The following ZNF827 variants were observed in gnomAD, a reference collection of about 807,000 sequenced individuals.
The protein encoded by ZNF827 is zinc finger protein 827.
In ZNF827, 13 loss-of-function variants were observed where a neutral mutation model predicts 102.4. The observed-to-expected ratio is 0.13, with a 90% CI of 0.08 to 0.20. The LOEUF is 0.20. Among genes scored for constraint, ZNF827 ranks in the 10% least tolerant of loss-of-function variants. ZNF827 has a pLI of 1.00. For synonymous variants in ZNF827, 523 were observed against 536.2 expected, an observed-to-expected ratio of 0.98 and a Z score of 0.34; for missense variants, 1,103 against 1,344.4, an observed-to-expected ratio of 0.82 and a Z score of 2.81.
chr4:145,795,658 G>A (rs1205994090), intron 8 of ZNF827, among the ~76,000 whole-genome samples: 2 of 152,210 alleles, frequency 1.3e-5, no homozygotes, highest in African/African-American at 2.4e-5. Flanking sequence ...TAGGCAACAC[G>A]ATAATGAGAA....
chr4:145,805,241 C>T (rs186653497), intron 8 of ZNF827, among the ~76,000 whole-genome samples: 5 of 151,986 alleles, frequency 3.3e-5, no homozygotes, highest in Non-Finnish European at 7.4e-5. Context: ...GGATTTGTCT[C>T]TAAAAAAGAA....
chr4:145,914,062 GACAC>G (rs34866639), intron 1 of ZNF827, among the ~76,000 whole-genome samples: 268 of 148,194 alleles, frequency 1.8e-3, no homozygotes, highest in African/African-American at 4.0e-3. Flanking sequence ...TTTCTTTGTA[GACAC>G]ACACACACAC....
chr4:145,859,919 T>G (rs1241906057), intron 5 of ZNF827, among the ~76,000 whole-genome samples: 2 of 152,282 alleles, frequency 1.3e-5, no homozygotes, highest in African/African-American at 4.8e-5. Context: ...TTAAACAGTA[T>G]GATAGGATAA....
intron 4 of ZNF827, among the ~76,000 whole-genome samples, chr4:145,878,602 C>CAGGACAGGACAGGAAAGGAA (rs1749371294): frequency 3.1e-5 from 2 of 63,526 alleles, no homozygotes; most frequent in East Asian, 6.0e-4. Context: ...CAGGACAGGA[C>CAGGACAGGACAGGAAAGGAA]AGGAAAGGAA....
chr4:145,847,140 T>G (rs1189503677), intron 6 of ZNF827, among the ~76,000 whole-genome samples: 1 of 150,074 alleles, frequency 6.7e-6, no homozygotes, highest in Non-Finnish European at 1.5e-5. Flanking sequence ...GGCGACAGAG[T>G]GTAACTCTGT....
At chr4:145,882,674 T>C (rs1749771993) in intron 4 of ZNF827, among the ~76,000 whole-genome samples, 1 of 152,208 alleles carries the variant, frequency 6.6e-6, no homozygotes, top group African/African-American at 2.4e-5. Flanking sequence ...AAGTGTTTTC[T>C]CTCTTTTGGA....
intron 8 of ZNF827, among the ~76,000 whole-genome samples, chr4:145,805,118 A>G (rs1741279856): frequency 8.0e-6 from 1 of 124,430 alleles, no homozygotes; most frequent in Non-Finnish European, 1.7e-5. Flanking sequence ...TGCCGGAGCA[A>G]TTCCTTTTGT....
chr4:145,781,379 G>T (rs1375552519), intron 8 of ZNF827, among the ~76,000 whole-genome samples: 7 of 152,246 alleles, frequency 4.6e-5, no homozygotes, highest in Admixed American at 6.5e-5. Context: ...TCACTGGAAT[G>T]ATTTGCCAGA....
At chr4:145,867,735 T>C (rs1748329433) in intron 5 of ZNF827, among the ~76,000 whole-genome samples, 1 of 151,962 alleles carries the variant, frequency 6.6e-6, no homozygotes, top group Admixed American at 6.6e-5. Flanking sequence ...AGACTACAAA[T>C]GAAAACAAGC....
At chr4:145,816,835 T>C (rs1195493399) in intron 8 of ZNF827, among the ~76,000 whole-genome samples, 1 of 152,208 alleles carries the variant, frequency 6.6e-6, no homozygotes, top group South Asian at 2.1e-4. Context: ...CAGGAGAAGA[T>C]ATATCAACCT....
chr4:145,905,471 GA>G (rs1385409369), intron 1 of ZNF827, among the ~76,000 whole-genome samples: 1 of 152,070 alleles, frequency 6.6e-6, no homozygotes, highest in African/African-American at 2.4e-5. Context: ...AATTTGCTGG[GA>G]AAAAAAGCAG....
At chr4:145,913,798 T>C (rs1752471264) in intron 1 of ZNF827, among the ~76,000 whole-genome samples, 1 of 152,232 alleles carries the variant, frequency 6.6e-6, no homozygotes, top group Admixed American at 6.5e-5. Flanking sequence ...ATTATCTGCT[T>C]CCTTGACTTT....
chr4:145,930,428 G>A (rs544941454), intron 1 of ZNF827, among the ~76,000 whole-genome samples: 10 of 152,094 alleles, frequency 6.6e-5, no homozygotes, highest in South Asian at 4.2e-4. Flanking sequence ...CCACTTTTCC[G>A]ACCCATGTAG....
chr4:145,872,255 T>C (rs1305220437), intron 4 of ZNF827, among the ~76,000 whole-genome samples: 1 of 152,180 alleles, frequency 6.6e-6, no homozygotes, highest in Non-Finnish European at 1.5e-5. Context: ...TAAGGTTAAA[T>C]GAGGTCATAA....
chr4:145,825,003 C>T (rs887326472), intron 7 of ZNF827, among the ~76,000 whole-genome samples: 1 of 152,186 alleles, frequency 6.6e-6, no homozygotes, highest in Non-Finnish European at 1.5e-5. Context: ...ACAATTTAAA[C>T]AGGCTTAAAA....
intron 8 of ZNF827, among the ~76,000 whole-genome samples, chr4:145,816,584 A>G (rs1742617694): frequency 6.6e-6 from 1 of 152,240 alleles, no homozygotes; most frequent in African/African-American, 2.4e-5. Context: ...AATAGAGTCA[A>G]CAGCTCCCCT....
intron 4 of ZNF827, among the ~76,000 whole-genome samples, chr4:145,872,367 T>A (rs1397844522): frequency 6.6e-6 from 1 of 151,988 alleles, no homozygotes; most frequent in Non-Finnish European, 1.5e-5. Context: ...CAGAGGAAAG[T>A]CTGCACGAGG....
Position 145,795,325 on chromosome 4 carries a change from T to A in ZNF827, c.2384-15814A>T, listed in dbSNP as rs182488087. Among the ~76,000 whole-genome samples the A allele has an allele frequency of 3.9e-4, 60 of 152,216 alleles. 1 individual carries two copies. In the Middle Eastern group the frequency reaches 0.01, roughly 26 times the overall value. Reference sequence around the variant, plus strand: ...CACCCGCCTGGCTAATTTTTGTATTTTTAGTAGAGATGGGGTTTCACCATG... The same window carrying A: ...CACCCGCCTGGCTAATTTTTGTATTATTAGTAGAGATGGGGTTTCACCATG... On this transcript the variant is annotated intron_variant, in intron 8 of 14. Transcript: ENST00000508784.
At chr4:145,797,121 G>T (rs1385746580) in intron 8 of ZNF827, among the ~76,000 whole-genome samples, 1 of 152,170 alleles carries the variant, frequency 6.6e-6, no homozygotes, top group East Asian at 1.9e-4. Flanking sequence ...AAGAATTTTG[G>T]TCTCTTAGAG....
Sources: gnomAD v4.1 joint callset for allele counts (sites outside exome capture counted in the v4.1 genomes callset) on GRCh38, gnomAD v4.1.1 for gene constraint, MANE v1.5 for transcripts, NCBI Gene and HGNC (gene_info 2026-07-23, HGNC 2026-07-21) for gene names.